B3GALNT2: variants seen among roughly 807,000 people sequenced by gnomAD.
B3GALNT2 encodes UDP-GalNAc:beta-1,3-N-acetylgalactosaminyltransferase 2.
A neutral mutation model predicts 61.1 loss-of-function variants in B3GALNT2; 53 were observed. The observed-to-expected ratio is 0.87, with a 90% CI of 0.70 to 1.09. The LOEUF is 1.09. Among genes scored for constraint, B3GALNT2 ranks in the 50% least tolerant of loss-of-function variants. The probability of loss-of-function intolerance (pLI) is 0.00; values close to 1 mark genes in which losing one functional copy is unlikely to be tolerated. For missense variants in B3GALNT2, 544 were observed against 623.0 expected (o/e 0.87, Z 1.35); for synonymous variants, 223 against 237.4 (o/e 0.94, Z 0.56).
downstream of B3GALNT2, among the ~76,000 whole-genome samples, chr1:235,446,502 C>T (rs1214410654): frequency 3.3e-5 from 5 of 150,798 alleles, no homozygotes; most frequent in Admixed American, 3.3e-4. Context: ...CTTATATGAA[C>T]ACAGAAAAAA....
At chr1:235,465,556 A>G in intron 7 of B3GALNT2, 80 bp downstream of exon 7, 1 of 1,551,852 alleles carries the variant, frequency 6.4e-7, no homozygotes. Context: ...GACAAAAAAG[A>G]AAAAATCCTT....
Position 235,448,405 on chromosome 1 carries a change from G to GTGTC in B3GALNT2, c.*1797_*1800dup. On this transcript the variant is annotated 3_prime_UTR_variant, in exon 12 of 12. Transcript: ENST00000366600. ...GCTGTCACGTCTTCTCAAAGTTCCT[G>GTGTC]TGTCAGACCTTCTGTTGTCCTATGA... is the stretch of plus-strand genomic sequence containing the variant. 1 of 1,614,104 alleles carries GTGTC rather than the reference G, an allele frequency of 6.2e-7. No homozygotes were observed.
At chr1:235,477,646 C>CACTGCTCTTAAAGAAT (rs1684350076) in intron 5 of B3GALNT2, among the ~76,000 whole-genome samples, 1 of 152,140 alleles carries the variant, frequency 6.6e-6, no homozygotes, top group African/African-American at 2.4e-5. Flanking sequence ...CCTGTGGCTG[C>CACTGCTCTTAAAGAAT]AGGATGTTTA....
intron 11 of B3GALNT2, 58 bp from the exon 12 acceptor site, chr1:235,450,398 GA>G: frequency 6.4e-7 from 1 of 1,568,970 alleles, no homozygotes; most frequent in Non-Finnish European, 8.8e-7. Context: ...AAGAGCATCA[GA>G]AAGTATGCAC....
chr1:235,468,842 TAAGGA>T (rs1220391757), intron 6 of B3GALNT2, among the ~76,000 whole-genome samples: 1 of 152,176 alleles, frequency 6.6e-6, no homozygotes, highest in Non-Finnish European at 1.5e-5. Context: ...GGCAAGATAA[TAAGGA>T]AAGATATAAT....
chr1:235,450,229 G>A lies in B3GALNT2; in HGVS notation c.1480C>T (p.Pro494Ser), dbSNP rs1682811467. Residue 494 changes from proline to serine, a missense_variant, in exon 12 of 12, where the codon CCT becomes TCT. Pro to Ser is a moderately conservative substitution (Grantham distance 74, BLOSUM62 -1). Coordinates refer to ENST00000366600, the MANE Select transcript of B3GALNT2 (RefSeq NM_152490.5). Reference protein sequence around the residue: ...LWKLKERCGDPCRCQAR With the variant: ...LWKLKERCGDSCRCQAR ...TGTTATCTTGCTTGACATCGACAAG[G>A]ATCACCGCACCGTTCCTTCAGTTTC... The A allele has an allele frequency of 6.2e-7, 1 of 1,613,946 alleles. No individual in the cohort carries two copies. The highest frequency in any genetic ancestry group is 8.5e-7 in the Non-Finnish European group (1 of 1,180,020).
intron 4 of B3GALNT2, among the ~76,000 whole-genome samples, chr1:235,483,514 G>A (rs890841355): frequency 1.3e-5 from 2 of 152,130 alleles, no homozygotes; most frequent in African/African-American, 4.8e-5. Context: ...TACTTGGGAG[G>A]CTGAGGCAGC....
chr1:235,443,671 C>T (rs935281123), downstream of B3GALNT2, among the ~76,000 whole-genome samples: 43 of 152,130 alleles, frequency 2.8e-4, no homozygotes, highest in African/African-American at 9.7e-4. Flanking sequence ...CAAATTCTTA[C>T]GGGAGGTTTG....
At chr1:235,491,752 C>G (rs1225422312) in intron 2 of B3GALNT2, among the ~76,000 whole-genome samples, 1 of 152,122 alleles carries the variant, frequency 6.6e-6, no homozygotes, top group East Asian at 1.9e-4. Context: ...TTCCACTCAA[C>G]CCTCCACATG....
chr1:235,445,238 G>GCACTCACT (rs749821890), downstream of B3GALNT2, among the ~76,000 whole-genome samples: 1 of 152,026 alleles, frequency 6.6e-6, no homozygotes, highest in Non-Finnish European at 1.5e-5. Context: ...TCTCAAATGT[G>GCACTCACT]CACTCACTCA....
At chr1:235,463,566 C>CTTTTTTTT (rs34433888) in intron 7 of B3GALNT2, 6 of 106,508 alleles carry the variant, frequency 5.6e-5, no homozygotes, top group Non-Finnish European at 9.3e-5. Context: ...TTCCTAATTT[C>CTTTTTTTT]TTTTTTTTTT....
At chr1:235,463,956 T>C (rs1395472218) in intron 7 of B3GALNT2, 3 of 152,198 alleles carry the variant, frequency 2.0e-5, no homozygotes, top group African/African-American at 4.8e-5. Flanking sequence ...TGGAATAGAA[T>C]TGAGAGTCCT....
intron 7 of B3GALNT2, among the ~76,000 whole-genome samples, chr1:235,461,507 GTTTTTTTTTTTTTT>G (rs57611133): frequency 2.0e-3 from 125 of 63,380 alleles, no homozygotes; most frequent in African/African-American, 8.5e-3. Context: ...ATGACCTCCT[GTTTTTTTTTTTTTT>G]TTTTTTTTTT....
chr1:235,494,165 A>G lies in B3GALNT2; in HGVS notation c.260+516T>C, dbSNP rs191683357. On this transcript the variant is annotated intron_variant, in intron 2 of 11. Transcript: ENST00000366600. ...TATCTCTGTGAAGTTAGTGAAAAGT[A>G]TATTTAGACATGCACATGTGTCTAA... 2.2e-4 allele frequency among the ~76,000 whole-genome samples: 34 copies of G among 152,374 alleles called. 1 individual carries two copies. The East Asian group carries it at 6.4e-3, about 28-fold the overall frequency.
In B3GALNT2 at chr1:235,465,716, T is replaced by C; in HGVS notation, c.763-2A>G. ...ATGAGGCAATGCACCCTCCCCAGCC[T>C]GAAAGGAATAAGAATGTACTCAGTG... On this transcript the variant is annotated splice_acceptor_variant, in intron 6 of 11. Transcript: ENST00000366600. LOFTEE classifies it high-confidence loss of function. The C allele has an allele frequency of 6.2e-7, 1 of 1,613,466 alleles. No individual in the cohort carries two copies. The highest frequency in any genetic ancestry group is 1.1e-5 in the South Asian group (1 of 91,038).
Position 235,449,910 on chromosome 1 carries a change from T to TA in B3GALNT2, c.*295dup. The TA allele has an allele frequency of 4.1e-6, 1 of 244,940 alleles. No individual in the cohort carries two copies. Among genetic ancestry groups the TA allele is most frequent in the Admixed American group, 4.9e-5 (1 of 20,400 alleles). The allele number at this position is 244,940 out of a possible 1,614,324, so 15.2% of individuals were successfully genotyped here. On this transcript the variant is annotated 3_prime_UTR_variant, in exon 12 of 12. Coordinates refer to ENST00000366600, the MANE Select transcript of B3GALNT2 (RefSeq NM_152490.5). ...CTATAGGTAATGGTGAATTACTAATTAGCCACAATGCATCAGGATTTAGAA... is the reference window on the plus strand; with the variant it reads ...CTATAGGTAATGGTGAATTACTAATTAAGCCACAATGCATCAGGATTTAGAA...
In B3GALNT2 at chr1:235,447,635, C is replaced by G. The variant is rs967448467; in HGVS notation, c.*2571G>C. 6.6e-6 allele frequency among the ~76,000 whole-genome samples: 1 copy of G among 152,286 alleles called. No individual in the cohort carries two copies. Among genetic ancestry groups the G allele is most frequent in the South Asian group, 2.1e-4 (1 of 4,816 alleles). ...AGAGTTGAGAGATGTCCTCAGGATA[C>G]CTGAGTCCCATTCCAGTGTTCGTTC... On this transcript the variant is annotated 3_prime_UTR_variant, in exon 12 of 12. Transcript: ENST00000366600.
chr1:235,490,137 T>C (rs896010048), intron 2 of B3GALNT2, among the ~76,000 whole-genome samples: 1 of 152,204 alleles, frequency 6.6e-6, no homozygotes, highest in Admixed American at 6.5e-5. Context: ...CTTTTCTCAA[T>C]CTACTCATTT....
rs1483605255 is a variant in B3GALNT2 at position 235,458,805 on chromosome 1, G to C, written c.842-19C>G. 6.4e-7 allele frequency: 1 copy of C among 1,555,586 alleles called. No homozygotes were observed. On this transcript the variant is annotated intron_variant, in intron 7 of 11. Transcript: ENST00000366600. ...TCACCTTCTATAAAGGAAAAGTTGAGAGTTGGAGAAAAATGCTGTTGTAAA... is the reference window on the plus strand; with the variant it reads ...TCACCTTCTATAAAGGAAAAGTTGACAGTTGGAGAAAAATGCTGTTGTAAA...
Sources: allele counts gnomAD v4.1 joint callset (sites outside exome capture counted in the v4.1 genomes callset), GRCh38; gene constraint gnomAD v4.1.1; transcripts MANE v1.5; gene names NCBI Gene and HGNC (gene_info 2026-07-23, HGNC 2026-07-21).